Variants in ODAD2 observed in about 807,000 individuals in gnomAD.
ODAD2 encodes outer dynein arm-docking complex subunit 2.
In ODAD2, 89 loss-of-function variants were observed where a neutral mutation model predicts 106.8. That is an observed-to-expected ratio of 0.83 (90% CI 0.70 to 0.99). ODAD2 has a LOEUF of 0.99. Ranked by LOEUF, ODAD2 falls within the 50% of genes least tolerant of loss-of-function variation. The pLI, the probability that ODAD2 is intolerant of heterozygous loss-of-function variation, is 0.00. For missense variants in ODAD2, 1,168 were observed against 1,238.5 expected, an observed-to-expected ratio of 0.94 and a Z score of 0.85; for synonymous variants, 404 against 436.2, an observed-to-expected ratio of 0.93 and a Z score of 0.92.
intron 17 of ODAD2, among the ~76,000 whole-genome samples, chr10:27,885,680 TAA>T (rs1842098720): frequency 6.5e-4 from 9 of 13,834 alleles, no homozygotes; most frequent in Admixed American, 3.7e-3. Flanking sequence ...AAAATATATA[TAA>T]TATATAATAT....
intron 19 of ODAD2, among the ~76,000 whole-genome samples, chr10:27,823,666 A>G (rs1836790852): frequency 6.6e-6 from 1 of 152,202 alleles, no homozygotes; most frequent in African/African-American, 2.4e-5. Flanking sequence ...TGTTGACCAG[A>G]GGCATTAATA....
intron 19 of ODAD2, among the ~76,000 whole-genome samples, chr10:27,818,488 A>G (rs1419270542): frequency 1.3e-5 from 2 of 152,104 alleles, no homozygotes; most frequent in African/African-American, 4.8e-5. Context: ...TACTTTATGA[A>G]TTTTGTTATT....
At chr10:27,887,115 G>C (rs141698663) in intron 17 of ODAD2, among the ~76,000 whole-genome samples, 27 of 151,916 alleles carry the variant, frequency 1.8e-4, no homozygotes, top group Admixed American at 7.2e-4. Flanking sequence ...TTATTTACAA[G>C]AGCATCATTT....
chr10:27,822,988 G>A lies in ODAD2; in HGVS notation c.3022-10363C>T, dbSNP rs183252966. Among the ~76,000 whole-genome samples, 21 of 152,320 alleles carry A rather than the reference G, an allele frequency of 1.4e-4. No homozygotes were observed. The East Asian group carries it at 3.9e-3, about 28-fold the overall frequency. On this transcript the variant is annotated intron_variant, in intron 19 of 19. Transcript: ENST00000305242. Reference sequence around the variant, plus strand: ...GCACATTGGGTCTATAGTATTGGGAGTAGAAATGGGATATATAATAGAGAG... The same window carrying A: ...GCACATTGGGTCTATAGTATTGGGAATAGAAATGGGATATATAATAGAGAG...
At chr10:27,926,685 A>G (rs924550988) in intron 16 of ODAD2, among the ~76,000 whole-genome samples, 8 of 152,198 alleles carry the variant, frequency 5.3e-5, no homozygotes, top group African/African-American at 1.4e-4. Context: ...AATTTAGCAG[A>G]AAATTTTTTA....
chr10:27,850,839 C>T (rs956426950), intron 19 of ODAD2, among the ~76,000 whole-genome samples: 3 of 152,124 alleles, frequency 2.0e-5, no homozygotes, highest in Non-Finnish European at 4.4e-5. Context: ...CTAAGATTGA[C>T]CCAGACTAAC....
At chr10:27,964,999 T>C (rs1281066734) in intron 9 of ODAD2, among the ~76,000 whole-genome samples, 1 of 152,208 alleles carries the variant, frequency 6.6e-6, no homozygotes, top group Non-Finnish European at 1.5e-5. Context: ...GAAGTGGCAG[T>C]AGCAGCAGCT....
chr10:27,882,979 C>T (rs1171231498), intron 17 of ODAD2, among the ~76,000 whole-genome samples: 4 of 151,284 alleles, frequency 2.6e-5, no homozygotes, highest in Admixed American at 2.0e-4. Flanking sequence ...AAATAAGAGG[C>T]TGGTCAAAAA....
At chr10:27,840,273 T>C (rs1838210336) in intron 19 of ODAD2, among the ~76,000 whole-genome samples, 1 of 152,222 alleles carries the variant, frequency 6.6e-6, no homozygotes, top group Non-Finnish European at 1.5e-5. Flanking sequence ...TAAAAGCATA[T>C]ATTTGACTCT....
At chr10:27,907,231 G>T (rs1220922564) in intron 17 of ODAD2, among the ~76,000 whole-genome samples, 1 of 152,128 alleles carries the variant, frequency 6.6e-6, no homozygotes, top group Admixed American at 6.5e-5. Flanking sequence ...GAAATCATGT[G>T]ACCTTTTCAA....
At chr10:27,874,036 G>C (rs1413263539) in intron 17 of ODAD2, among the ~76,000 whole-genome samples, 1 of 152,184 alleles carries the variant, frequency 6.6e-6, no homozygotes, top group Non-Finnish European at 1.5e-5. Context: ...GAATCTGGGT[G>C]CTTCTGTATT....
rs191594899 is a variant in ODAD2 at position 27,981,558 on chromosome 10, C to T, written c.844G>A (p.Val282Ile). The T allele has an allele frequency of 1.7e-5, 27 of 1,543,226 alleles. No individual in the cohort carries two copies. In the East Asian group the frequency reaches 3.0e-4, roughly 17 times the overall value. ...NGGKTDDEGDVNYERKGSIYK... is the reference protein window; with the variant it reads ...NGGKTDDEGDINYERKGSIYK... ...ATTGAACCTTTTCTCTCATAATTAACGTCCCCTTCATCATCTGTTTTGCCC... is the reference window on the plus strand; with the variant it reads ...ATTGAACCTTTTCTCTCATAATTAATGTCCCCTTCATCATCTGTTTTGCCC... Residue 282 changes from valine (V) to isoleucine (I), a missense_variant, in exon 7 of 20, where the codon GTT (valine) becomes ATT (isoleucine). Physicochemically the swap from Val to Ile is conservative, Grantham distance 29. This residue lies in a region of ODAD2 where 430 missense variants were observed against 452.2 expected (regional missense o/e 0.95). Transcript: ENST00000305242.
intron 19 of ODAD2, among the ~76,000 whole-genome samples, chr10:27,820,903 C>T (rs1836558200): frequency 6.6e-6 from 1 of 151,668 alleles, no homozygotes; most frequent in South Asian, 2.1e-4. Flanking sequence ...CTGCCTCAGC[C>T]TCTGAGTAGC....
intron 10 of ODAD2, among the ~76,000 whole-genome samples, chr10:27,947,066 C>T (rs1312360325): frequency 6.6e-6 from 1 of 152,132 alleles, no homozygotes; most frequent in East Asian, 1.9e-4. Context: ...TTACTATTTA[C>T]TAATAAGTCA....
chr10:27,967,757 A>G (rs1234146663), intron 9 of ODAD2, among the ~76,000 whole-genome samples: 37 of 151,690 alleles, frequency 2.4e-4, no homozygotes, highest in African/African-American at 8.9e-4. Context: ...TGAGTGTGGT[A>G]GCGCACGCCT....
intron 19 of ODAD2, among the ~76,000 whole-genome samples, chr10:27,826,973 A>G (rs914063332): frequency 5.9e-5 from 9 of 151,754 alleles, no homozygotes; most frequent in African/African-American, 2.2e-4. Flanking sequence ...TGCTGCCCCT[A>G]TTTCCTCACT....
intron 17 of ODAD2, among the ~76,000 whole-genome samples, chr10:27,875,217 A>C (rs1373620812): frequency 6.6e-6 from 1 of 152,200 alleles, no homozygotes; most frequent in East Asian, 1.9e-4. Context: ...ACATCATTTA[A>C]GGACTTCTCT....
chr10:27,896,502 C>G (rs577241251), intron 17 of ODAD2, among the ~76,000 whole-genome samples: 44 of 152,112 alleles, frequency 2.9e-4, no homozygotes, highest in Non-Finnish European at 2.1e-4. Context: ...GCAGGCCATG[C>G]GTTTGTTGCC....
chr10:27,885,593 A>T (rs1276991780), intron 17 of ODAD2, among the ~76,000 whole-genome samples: 68 of 78,480 alleles, frequency 8.7e-4, no homozygotes, highest in Non-Finnish European at 1.4e-3. Context: ...TATAAATATA[A>T]ATATATATAT....
Sources: allele counts gnomAD v4.1 joint callset (sites outside exome capture counted in the v4.1 genomes callset), GRCh38; gene constraint gnomAD v4.1.1; regional missense constraint gnomAD v4.1.1; transcripts MANE v1.5; gene names NCBI Gene and HGNC (gene_info 2026-07-23, HGNC 2026-07-21).